The following SLC44A5 variants were observed in gnomAD, a reference collection of about 807,000 sequenced individuals.
The protein encoded by SLC44A5 is choline transporter-like protein 5.
A neutral mutation model predicts 101.8 loss-of-function variants in SLC44A5; 57 were observed. The ratio of observed to expected loss-of-function variants is 0.56; its 90% CI spans 0.45 to 0.70. The LOEUF is 0.70. SLC44A5 is among the 30% of genes least tolerant of loss of function. SLC44A5 has a pLI of 0.00. For synonymous variants in SLC44A5, 281 were observed against 290.9 expected (o/e 0.97, Z 0.35); for missense variants, 737 against 853.1 (o/e 0.86, Z 1.70).
rs1233639378 is a variant in SLC44A5 at position 75,560,678 on chromosome 1, T to C, written c.-69-19162A>G. On this transcript the variant is annotated intron_variant, in intron 1 of 23. Transcript: ENST00000370859. ...AGTAAAGTTTTGTCTGTGGCAGATTTGGTCCTTTGCCTCCCTGTGCCCCAA... is the reference window on the plus strand; with the variant it reads ...AGTAAAGTTTTGTCTGTGGCAGATTCGGTCCTTTGCCTCCCTGTGCCCCAA... Among the ~76,000 whole-genome samples, 3 of 152,306 alleles carry C rather than the reference T, an allele frequency of 2.0e-5. No individual in the cohort carries two copies. In the East Asian group the frequency reaches 5.8e-4, roughly 29 times the overall value.
At chr1:75,580,708 C>T (rs968717275) in intron 1 of SLC44A5, among the ~76,000 whole-genome samples, 3 of 151,842 alleles carry the variant, frequency 2.0e-5, no homozygotes, top group African/African-American at 7.3e-5. Context: ...ACATGGTGGC[C>T]ACACCTGTAG....
intron 5 of SLC44A5, among the ~76,000 whole-genome samples, chr1:75,289,427 G>A (rs966472637): frequency 6.6e-6 from 1 of 152,110 alleles, no homozygotes; most frequent in African/African-American, 2.4e-5. Context: ...CCAATGACAT[G>A]AGCTTCCCAT....
intron 1 of SLC44A5, among the ~76,000 whole-genome samples, chr1:75,575,084 GAAA>G (rs774187565): frequency 6.6e-6 from 1 of 152,052 alleles, no homozygotes; most frequent in Non-Finnish European, 1.5e-5. Context: ...GAGTCAAGCA[GAAA>G]ACCCAAAAAT....
intron 2 of SLC44A5, among the ~76,000 whole-genome samples, chr1:75,488,223 G>T (rs1172483001): frequency 6.6e-6 from 1 of 152,046 alleles, no homozygotes; most frequent in Non-Finnish European, 1.5e-5. Context: ...AATGTGCTTG[G>T]ATCATCCCAA....
At chr1:75,253,518 T>C (rs1649756165) in intron 6 of SLC44A5, among the ~76,000 whole-genome samples, 1 of 152,200 alleles carries the variant, frequency 6.6e-6, no homozygotes, top group South Asian at 2.1e-4. Context: ...ATACACAATA[T>C]GTACAAGGCT....
chr1:75,515,256 C>A (rs1342477846), intron 2 of SLC44A5, among the ~76,000 whole-genome samples: 2 of 152,102 alleles, frequency 1.3e-5, no homozygotes. Context: ...ATATTCATCA[C>A]GTCAAATACT....
chr1:75,220,008 G>T, intron 14 of SLC44A5, 116 bp from the exon 15 acceptor site: 2 of 552,052 alleles, frequency 3.6e-6, no homozygotes, highest in East Asian at 3.4e-5. Context: ...GATCATTCTG[G>T]CATATTCTCA....
chr1:75,590,080 C>T (rs962646371), intron 1 of SLC44A5, among the ~76,000 whole-genome samples: 6 of 152,160 alleles, frequency 3.9e-5, no homozygotes, highest in African/African-American at 1.4e-4. Flanking sequence ...CGTACTGAGA[C>T]ACCAGCTGGG....
chr1:75,633,377 G>C, the SLC44A5 span, among the ~76,000 whole-genome samples: 1 of 152,006 alleles, frequency 6.6e-6, no homozygotes, highest in Non-Finnish European at 1.5e-5. Context: ...CCATTTCTTT[G>C]TATCCTCTTT....
chr1:75,214,816 T>C (rs1212183392), intron 19 of SLC44A5, 138 bp from the exon 20 acceptor site: 3 of 659,098 alleles, frequency 4.6e-6, no homozygotes, highest in Non-Finnish European at 7.8e-6. Context: ...CTAATGTGTA[T>C]TTGTGGGACA....
intron 3 of SLC44A5, among the ~76,000 whole-genome samples, chr1:75,372,026 G>A (rs1294997215): frequency 3.3e-5 from 5 of 151,938 alleles, no homozygotes; most frequent in South Asian, 2.1e-4. Flanking sequence ...GTGAAACCCC[G>A]TCCCTACTAA....
At chr1:75,721,491 T>C in the SLC44A5 span, among the ~76,000 whole-genome samples, 1 of 152,250 alleles carries the variant, frequency 6.6e-6, no homozygotes, top group Non-Finnish European at 1.5e-5. Flanking sequence ...TTTCTTCCAG[T>C]GTGGCCCAGG....
intron 3 of SLC44A5, among the ~76,000 whole-genome samples, chr1:75,360,839 G>T (rs1274406853): frequency 2.0e-5 from 3 of 152,234 alleles, no homozygotes; most frequent in Middle Eastern, 6.8e-3. Flanking sequence ...ATCTCTATTT[G>T]TGAAAAATGC....
the SLC44A5 span, among the ~76,000 whole-genome samples, chr1:75,651,487 A>C: frequency 6.6e-6 from 1 of 151,936 alleles, no homozygotes; most frequent in East Asian, 1.9e-4. Context: ...ATGAGGTCAG[A>C]AGATCGAGAC....
chr1:75,699,315 C>T, the SLC44A5 span, among the ~76,000 whole-genome samples: 52 of 152,208 alleles, frequency 3.4e-4, no homozygotes, highest in African/African-American at 1.2e-3. Context: ...TCGGCAGAAA[C>T]TCTACAAGCC....
At chr1:75,658,237 C>T in the SLC44A5 span, among the ~76,000 whole-genome samples, 2 of 150,872 alleles carry the variant, frequency 1.3e-5, no homozygotes, top group Admixed American at 6.6e-5. Context: ...CTATACCTGG[C>T]TAATTTTTCT....
chr1:75,213,937 G>C lies in SLC44A5; in HGVS notation c.1855C>G (p.Leu619Val), dbSNP rs759308473. ...TACTTACCTATACTTCCAGCAACTA[G>C]AAGTTTCCCCAGGAATAATACAAAG... is the stretch of plus-strand genomic sequence containing the variant. Reference protein sequence around the residue: ...TYFVLFLGKLLVAGSIGVLAF... With the variant: ...TYFVLFLGKLVVAGSIGVLAF... The change falls in exon 21 of 24, where the codon CTA becomes GTA. Residue 619 changes from leucine to valine, a missense_variant. Leu to Val is a conservative substitution (Grantham distance 32, BLOSUM62 1). Coordinates refer to ENST00000370859, the MANE Select transcript of SLC44A5 (RefSeq NM_001130058.2). 6.3e-7 allele frequency: 1 copy of C among 1,595,252 alleles called. No individual in the cohort carries two copies. Among genetic ancestry groups the C allele is most frequent in the East Asian group, 2.2e-5 (1 of 44,706 alleles).
chr1:75,539,977 A>G (rs766527085), intron 2 of SLC44A5, among the ~76,000 whole-genome samples: 1 of 152,228 alleles, frequency 6.6e-6, no homozygotes, highest in Non-Finnish European at 1.5e-5. Flanking sequence ...TGCCAGTTGT[A>G]TAGTTTTAAG....
At position 75,203,763 on chromosome 1, in the gene SLC44A5, A is replaced by C. The variant is rs1302215016; in HGVS notation, c.2118T>G (p.Ile706Met). ...PYYVSQPLLKIFQEENPQTRK... is the reference protein window; with the variant it reads ...PYYVSQPLLKMFQEENPQTRK... ...TAGTTTGTGGATTTTCCTCCTGGAA[A>C]ATCTTCAGCAAAGGTTGACTCACAT... Residue 706 changes from isoleucine to methionine, a missense_variant, in exon 24 of 24, where the codon ATT becomes ATG. By Grantham distance (10) the Ile-to-Met change is conservative. Coordinates refer to ENST00000370859, the MANE Select transcript of SLC44A5 (RefSeq NM_001130058.2). 1 of 1,549,756 alleles carries C rather than the reference A, an allele frequency of 6.5e-7. No homozygotes were observed. Among genetic ancestry groups the C allele is most frequent in the South Asian group, 1.2e-5 (1 of 83,628 alleles).
Sources: gnomAD v4.1 joint callset for allele counts (sites outside exome capture counted in the v4.1 genomes callset) on GRCh38, gnomAD v4.1.1 for gene constraint, MANE v1.5 for transcripts, NCBI Gene and HGNC (gene_info 2026-07-23, HGNC 2026-07-21) for gene names.